The following NALF1 variants were observed in gnomAD, a reference collection of about 807,000 sequenced individuals.
NALF1 encodes NALCN channel auxiliary factor 1, also known as family with sequence similarity 155 member A.
In NALF1, 3 loss-of-function variants were observed where a neutral mutation model predicts 48.4. The ratio of observed to expected loss-of-function variants is 0.06; its 90% CI spans 0.03 to 0.16. The LOEUF (loss-of-function observed/expected upper bound fraction) is 0.16. Among genes scored for constraint, NALF1 ranks in the 10% least tolerant of loss-of-function variants. The probability of loss-of-function intolerance (pLI) is 1.00; values close to 1 mark genes in which losing one functional copy is unlikely to be tolerated. For missense variants in NALF1, 526 were observed against 571.5 expected (o/e 0.92, Z 0.81); for synonymous variants, 262 against 245.7 (o/e 1.07, Z -0.62).
At chr13:107,520,076 T>C (rs1432375031) in intron 1 of NALF1, among the ~76,000 whole-genome samples, 1 of 152,198 alleles carries the variant, frequency 6.6e-6, no homozygotes, top group Non-Finnish European at 1.5e-5. Flanking sequence ...ACATTATAAA[T>C]ATTAATTGTA....
intron 1 of NALF1, among the ~76,000 whole-genome samples, chr13:107,290,287 T>A (rs1881594682): frequency 6.6e-6 from 1 of 152,108 alleles, no homozygotes; most frequent in Non-Finnish European, 1.5e-5. Flanking sequence ...GTAACCTGTG[T>A]AATTCCCTCC....
In NALF1 at chr13:107,362,834, G is replaced by GT. The variant is rs966420342; in HGVS notation, c.916-152080dup. Among the ~76,000 whole-genome samples, 26 of 152,152 alleles carry GT rather than the reference G, an allele frequency of 1.7e-4. 1 individual carries two copies. The highest frequency in any genetic ancestry group is 1.5e-5 in the Non-Finnish European group (1 of 68,044). The stretch of plus-strand genomic sequence containing the variant: ...CACATATGGAGCAACCAGGATGAAT[G>GT]TGAGCTTTTGGCAGGTCTAAAGTAA... On this transcript the variant is annotated intron_variant, in intron 1 of 2. Coordinates refer to ENST00000375915, the MANE Select transcript of NALF1 (RefSeq NM_001080396.3). This position sits in a 1 kb window ranked among gnomAD's most constrained non-coding sequence, Gnocchi z 4.6.
chr13:107,700,406 T>C (rs1371106682), intron 1 of NALF1, among the ~76,000 whole-genome samples: 10 of 151,946 alleles, frequency 6.6e-5, no homozygotes, highest in Admixed American at 6.6e-4. Flanking sequence ...GAAAATAGTT[T>C]ATTAAGTAAA....
At chr13:107,763,358 C>A (rs1877320481) in intron 1 of NALF1, among the ~76,000 whole-genome samples, 1 of 151,100 alleles carries the variant, frequency 6.6e-6, no homozygotes. Context: ...CACTTACAGC[C>A]TTAAAATATT....
At chr13:107,726,469 C>T (rs796847218) in intron 1 of NALF1, among the ~76,000 whole-genome samples, 2 of 152,156 alleles carry the variant, frequency 1.3e-5, no homozygotes, top group South Asian at 2.1e-4. Context: ...ATACATGATA[C>T]TAAGGTGTTC....
intron 1 of NALF1, among the ~76,000 whole-genome samples, chr13:107,544,152 G>A (rs896006461): frequency 2.6e-5 from 4 of 152,118 alleles, no homozygotes; most frequent in Admixed American, 2.0e-4. Context: ...CATATGCAGA[G>A]CAATCTAAAT....
At chr13:107,289,833 T>C (rs1881578509) in intron 1 of NALF1, among the ~76,000 whole-genome samples, 1 of 152,156 alleles carries the variant, frequency 6.6e-6, no homozygotes, top group Non-Finnish European at 1.5e-5. Context: ...AGAAATACGG[T>C]CATTCCTCTG....
In NALF1 at chr13:107,164,880, T is replaced by C. The variant is rs554999655; in HGVS notation, c.*5617A>G. The C allele has an allele frequency of 6.6e-6, 1 of 152,262 alleles. No homozygotes were observed. Among genetic ancestry groups the C allele is most frequent in the African/African-American group, 2.4e-5 (1 of 41,534 alleles). The allele number at this position is 152,262 out of a possible 1,614,324, so 9.4% of individuals were successfully genotyped here. ...GGAGCAGTCCCTATGAGCAAGCCAATCCAGTTTCACTTTGTGAATGAATAG... is the reference window on the plus strand; with the variant it reads ...GGAGCAGTCCCTATGAGCAAGCCAACCCAGTTTCACTTTGTGAATGAATAG... On this transcript the variant is annotated 3_prime_UTR_variant, in exon 3 of 3. Coordinates refer to ENST00000375915, the MANE Select transcript of NALF1 (RefSeq NM_001080396.3).
intron 1 of NALF1, among the ~76,000 whole-genome samples, chr13:107,245,198 T>A (rs1006053748): frequency 1.3e-5 from 2 of 152,190 alleles, no homozygotes; most frequent in Non-Finnish European, 2.9e-5. Context: ...GAACACTACT[T>A]TTTTGCTTTA....
At chr13:107,709,099 T>C (rs1439560314) in intron 1 of NALF1, among the ~76,000 whole-genome samples, 1 of 152,224 alleles carries the variant, frequency 6.6e-6, no homozygotes, top group Non-Finnish European at 1.5e-5. Context: ...TGTCATACTT[T>C]AGAGTATTTG....
chr13:107,855,150 T>C, intron 1 of NALF1, among the ~76,000 whole-genome samples: 1 of 152,140 alleles, frequency 6.6e-6, no homozygotes, highest in East Asian at 1.9e-4. Flanking sequence ...CTCCATTGTA[T>C]CTCTGGGTGC....
intron 1 of NALF1, among the ~76,000 whole-genome samples, chr13:107,553,340 G>A (rs1877353959): frequency 6.6e-6 from 1 of 152,148 alleles, no homozygotes; most frequent in African/African-American, 2.4e-5. Flanking sequence ...TGACAGTTTA[G>A]TAGACTTATA....
intron 1 of NALF1, among the ~76,000 whole-genome samples, chr13:107,771,065 G>A (rs926289322): frequency 1.3e-5 from 2 of 151,972 alleles, no homozygotes; most frequent in African/African-American, 2.4e-5. Context: ...GAAATTGTAT[G>A]TCAAATATCG....
chr13:107,755,639 ATGT>A (rs568950931), intron 1 of NALF1, among the ~76,000 whole-genome samples: 11 of 151,706 alleles, frequency 7.3e-5, no homozygotes, highest in Non-Finnish European at 1.2e-4. Flanking sequence ...TAATGAACAT[ATGT>A]TGATAGACAA....
chr13:107,680,166 T>C (rs1017860031), intron 1 of NALF1, among the ~76,000 whole-genome samples: 10 of 152,148 alleles, frequency 6.6e-5, no homozygotes, highest in Non-Finnish European at 1.3e-4. Flanking sequence ...AGGCTCTGCA[T>C]TGCTTTCAAG....
At chr13:107,234,300 C>T (rs1197480068) in intron 1 of NALF1, among the ~76,000 whole-genome samples, 1 of 152,208 alleles carries the variant, frequency 6.6e-6, no homozygotes, top group African/African-American at 2.4e-5. Context: ...AGGTGAGCCC[C>T]TCTTTCACCA....
chr13:107,777,359 A>G (rs1877765391), intron 1 of NALF1, among the ~76,000 whole-genome samples: 1 of 152,136 alleles, frequency 6.6e-6, no homozygotes, highest in Non-Finnish European at 1.5e-5. Flanking sequence ...AAAGGCAGAT[A>G]CACCCATTGA....
intron 1 of NALF1, among the ~76,000 whole-genome samples, chr13:107,638,284 C>T (rs1420508005): frequency 1.3e-5 from 2 of 149,878 alleles, no homozygotes; most frequent in Non-Finnish European, 3.0e-5. Flanking sequence ...AAAGTGGTAT[C>T]ATTTATTTCC....
At position 107,231,218 on chromosome 13, in the gene NALF1, C is replaced by A. The variant is rs139320963; in HGVS notation, c.916-20463G>T. On this transcript the variant is annotated intron_variant, in intron 1 of 2. Coordinates refer to ENST00000375915, the MANE Select transcript of NALF1 (RefSeq NM_001080396.3). ...ATAGGTTTTGTAAAAATATTTACCC[C>A]ACTGGAGTAAAGATGGGAATAGAAG... is the stretch of plus-strand genomic sequence containing the variant. Among the ~76,000 whole-genome samples the A allele has an allele frequency of 3.4e-4, 52 of 152,048 alleles. No individual in the cohort carries two copies. The East Asian group carries it at 9.5e-3, about 28-fold the overall frequency.
Sources: gnomAD v4.1 joint callset for allele counts (sites outside exome capture counted in the v4.1 genomes callset) on GRCh38, gnomAD v4.1.1 for gene constraint, Gnocchi (gnomAD v3.1) non-coding constraint, MANE v1.5 for transcripts, NCBI Gene and HGNC (gene_info 2026-07-23, HGNC 2026-07-21) for gene names.